SPTLC2: variants seen among roughly 807,000 people sequenced by gnomAD.
The protein encoded by SPTLC2 is serine palmitoyltransferase 2.
A neutral mutation model predicts 62.0 loss-of-function variants in SPTLC2; 21 were observed. That is an observed-to-expected ratio of 0.34 (90% confidence interval 0.24 to 0.49). The LOEUF (loss-of-function observed/expected upper bound fraction) is 0.49, where lower values mean the gene tolerates loss of function less well. SPTLC2 is among the 20% of genes least tolerant of loss of function. The probability of loss-of-function intolerance (pLI) is 0.99; values close to 1 mark genes in which losing one functional copy is unlikely to be tolerated. For synonymous variants in SPTLC2, 261 were observed against 261.8 expected, an observed-to-expected ratio of 1.00 and a Z score of 0.03; for missense variants, 511 against 713.0, an observed-to-expected ratio of 0.72 and a Z score of 3.23.
chr14:77,530,387 G>A lies in SPTLC2; in HGVS notation c.1304-8806C>T, dbSNP rs547403023. Among the ~76,000 whole-genome samples the A allele has an allele frequency of 2.6e-5, 4 of 151,998 alleles. No homozygotes were observed. In the South Asian group the frequency reaches 6.2e-4, roughly 24 times the overall value. The stretch of plus-strand genomic sequence containing the variant: ...TCTGTTGCCCAGGCTGGAGTGCAGC[G>A]GCACGATCTCAGCTCACTACAACCT... On this transcript the variant is annotated intron_variant, in intron 9 of 11. Coordinates refer to ENST00000216484, the MANE Select transcript of SPTLC2 (RefSeq NM_004863.4).
chr14:77,519,139 T>C (rs2079373267), intron 10 of SPTLC2, among the ~76,000 whole-genome samples: 1 of 152,132 alleles, frequency 6.6e-6, no homozygotes, highest in Non-Finnish European at 1.5e-5. Flanking sequence ...TCCCAGATTC[T>C]AGCAATTCTC....
intron 9 of SPTLC2, among the ~76,000 whole-genome samples, chr14:77,534,225 C>A (rs2140003508): frequency 6.9e-6 from 1 of 144,280 alleles, no homozygotes; most frequent in Admixed American, 6.9e-5. Flanking sequence ...CACACAAATG[C>A]ATATCTATAA....
intron 9 of SPTLC2, among the ~76,000 whole-genome samples, chr14:77,546,812 C>T (rs1252052283): frequency 6.6e-6 from 1 of 152,098 alleles, no homozygotes; most frequent in Non-Finnish European, 1.5e-5. Context: ...CTCAGCTCAC[C>T]GCAACCTCCT....
chr14:77,582,910 T>G (rs1337002370), intron 2 of SPTLC2, among the ~76,000 whole-genome samples: 2 of 152,100 alleles, frequency 1.3e-5, no homozygotes, highest in Admixed American at 1.3e-4. Context: ...GCAGAAAGAT[T>G]TGATAGGCAT....
rs982328018 is a variant in SPTLC2, at chr14:77,570,287, C to A, written c.756+97G>T. 3 of 1,502,766 alleles carry A rather than the reference C, an allele frequency of 2.0e-6. No individual in the cohort carries two copies. The South Asian group carries it at 3.4e-5, about 17-fold the overall frequency. 93.1% of individuals were successfully genotyped at this position (1,502,766 alleles called of 1,614,324 possible). On this transcript the variant is annotated intron_variant, in intron 5 of 11. Transcript: ENST00000216484. ...ATATCTTTGGCTAAACTATGTTTAG[C>A]CTAAAGTTTATAACAGCTTTTAGCT...
intron 9 of SPTLC2, among the ~76,000 whole-genome samples, chr14:77,531,676 C>A (rs1051905022): frequency 1.6e-4 from 24 of 152,098 alleles, no homozygotes; most frequent in African/African-American, 5.8e-4. Flanking sequence ...CCATGCCCGG[C>A]TAATTTTGTA....
chr14:77,580,908 T>C (rs1253932802), intron 2 of SPTLC2, among the ~76,000 whole-genome samples: 2 of 152,234 alleles, frequency 1.3e-5, no homozygotes, highest in African/African-American at 4.8e-5. Context: ...TGAATTCCTA[T>C]GCTCAGGAAC....
At chr14:77,518,647 A>G (rs2079370880) in intron 10 of SPTLC2, among the ~76,000 whole-genome samples, 1 of 152,068 alleles carries the variant, frequency 6.6e-6, no homozygotes, top group Non-Finnish European at 1.5e-5. Flanking sequence ...AGAGGCTTCA[A>G]AATGAACCTG....
At chr14:77,582,291 G>T (rs1382609940) in intron 2 of SPTLC2, among the ~76,000 whole-genome samples, 1 of 151,876 alleles carries the variant, frequency 6.6e-6, no homozygotes, top group Non-Finnish European at 1.5e-5. Context: ...TGACCTCAAA[G>T]GATCTGCCTG....
In SPTLC2 at chr14:77,511,278, T is replaced by TATCA. The variant is rs1396691876; in HGVS notation, c.*1002_*1005dup. 1 of 152,216 alleles carries TATCA rather than the reference T, an allele frequency of 6.6e-6. No individual in the cohort carries two copies. The highest frequency in any genetic ancestry group is 2.4e-5 in the African/African-American group (1 of 41,456). 9.4% of individuals were successfully genotyped at this position (152,216 alleles called of 1,614,324 possible). A position where few individuals can be genotyped will look rare whatever the true frequency, so the allele number is the denominator to read the frequency against. Reference sequence around the variant, plus strand: ...CAGAGGATTTACCAACAGTTTCCTTTATCAGTTTAAATCCTAATCTGGACC... The same window carrying TATCA: ...CAGAGGATTTACCAACAGTTTCCTTTATCAATCAGTTTAAATCCTAATCTGGACC... On this transcript the variant is annotated 3_prime_UTR_variant, in exon 12 of 12. Transcript: ENST00000216484.
chr14:77,552,368 T>C, intron 8 of SPTLC2, 146 bp from the exon 9 acceptor site: 1 of 1,008,256 alleles, frequency 9.9e-7, no homozygotes, highest in East Asian at 2.6e-5. Context: ...TCAACCAACA[T>C]GGTCGAAGCA....
chr14:77,543,913 T>G (rs1416402172), intron 9 of SPTLC2, among the ~76,000 whole-genome samples: 1 of 152,204 alleles, frequency 6.6e-6, no homozygotes, highest in Non-Finnish European at 1.5e-5. Context: ...CTCCCTCATT[T>G]GTATCTTGAC....
chr14:77,584,935 C>T lies in SPTLC2; in HGVS notation c.328-5826G>A, dbSNP rs553489628. The stretch of plus-strand genomic sequence containing the variant: ...GCTGGATGGCAGGGGCCACGCTTTG[C>T]ACCAGCGTAGGAGGCAAGCCCCTGC... On this transcript the variant is annotated intron_variant, in intron 2 of 11. Coordinates refer to ENST00000216484, the MANE Select transcript of SPTLC2 (RefSeq NM_004863.4). 5.9e-5 allele frequency among the ~76,000 whole-genome samples: 9 copies of T among 152,372 alleles called. No homozygotes were observed. In the South Asian group the frequency reaches 1.9e-3, roughly 32 times the overall value.
chr14:77,576,555 T>C (rs2079716916), intron 4 of SPTLC2, among the ~76,000 whole-genome samples: 1 of 152,230 alleles, frequency 6.6e-6, no homozygotes, highest in African/African-American at 2.4e-5. Context: ...ATTCTATATG[T>C]ATAACACATT....
At chr14:77,569,819 T>TTA (rs535260722) in intron 5 of SPTLC2, among the ~76,000 whole-genome samples, 749 of 38,330 alleles carry the variant, frequency 0.02, 95 homozygotes, top group African/African-American at 0.041. Flanking sequence ...TACATATATG[T>TTA]TATATATATA....
intron 10 of SPTLC2, 115 bp from the exon 11 acceptor site, chr14:77,518,282 TAATA>T: frequency 6.8e-7 from 1 of 1,470,706 alleles, no homozygotes; most frequent in Admixed American, 1.9e-5. Flanking sequence ...TGGAGACTTC[TAATA>T]GGAGTTTCCT....
intron 2 of SPTLC2, among the ~76,000 whole-genome samples, chr14:77,586,396 G>A (rs974416949): frequency 2.0e-5 from 3 of 152,076 alleles, no homozygotes; most frequent in Non-Finnish European, 4.4e-5. Context: ...TTTTTTAAAG[G>A]TAAATATAGA....
At position 77,546,130 on chromosome 14, in the gene SPTLC2, T is replaced by C. The variant is rs1040741405; in HGVS notation, c.1303+5966A>G. Among the ~76,000 whole-genome samples, 13 of 152,340 alleles carry C rather than the reference T, an allele frequency of 8.5e-5. No individual in the cohort carries two copies. In the East Asian group the frequency reaches 2.5e-3, roughly 29 times the overall value. ...TTTAATAAAATGCTAACTATCATCA[T>C]GCAACCTCAGAAGTAGAAGCAGATG... On this transcript the variant is annotated intron_variant, in intron 9 of 11. Coordinates refer to ENST00000216484, the MANE Select transcript of SPTLC2 (RefSeq NM_004863.4).
At chr14:77,577,704 CCTGA>C (rs1272872589) in intron 3 of SPTLC2, among the ~76,000 whole-genome samples, 1 of 152,070 alleles carries the variant, frequency 6.6e-6, no homozygotes, top group Non-Finnish European at 1.5e-5. Flanking sequence ...TTGAGACCAT[CCTGA>C]CTAACACAGT....
Sources: gnomAD v4.1 joint callset for allele counts (sites outside exome capture counted in the v4.1 genomes callset) on GRCh38, gnomAD v4.1.1 for gene constraint, MANE v1.5 for transcripts, NCBI Gene and HGNC (gene_info 2026-07-23, HGNC 2026-07-21) for gene names.